Variants in ZCCHC14 observed in about 807,000 individuals in gnomAD.
The protein encoded by ZCCHC14 is zinc finger CCHC domain-containing protein 14.
A neutral mutation model predicts 85.0 loss-of-function variants in ZCCHC14; 16 were observed. That is an observed-to-expected ratio of 0.19 (90% CI 0.13 to 0.29). The LOEUF (loss-of-function observed/expected upper bound fraction) is 0.29, where lower values mean the gene tolerates loss of function less well. Among genes scored for constraint, ZCCHC14 ranks in the 10% least tolerant of loss-of-function variants. The pLI, the probability that ZCCHC14 is intolerant of heterozygous loss-of-function variation, is 1.00. For synonymous variants in ZCCHC14, 775 were observed against 630.7 expected (o/e 1.23, Z -3.43); for missense variants, 1,303 against 1,443.5 (o/e 0.90, Z 1.58).
At chr16:87,477,142 C>CAAAAAAAAAAAAA in intron 1 of ZCCHC14, among the ~76,000 whole-genome samples, 1 of 78,604 alleles carries the variant, frequency 1.3e-5, no homozygotes, top group African/African-American at 6.7e-5. Flanking sequence ...AAAAAAAAAA[C>CAAAAAAAAAAAAA]AAAACAAAAC....
chr16:87,407,650 C>T lies in ZCCHC14; in HGVS notation c.*2630G>A, dbSNP rs922040210. ...TCTGACAGACTACAAAGGGCAAAGA[C>T]GTGGCACATGGCCAGTGCCACACCT... On this transcript the variant is annotated 3_prime_UTR_variant, in exon 13 of 13. Coordinates refer to ENST00000671377, the MANE Select transcript of ZCCHC14 (RefSeq NM_015144.3). 2.0e-5 allele frequency: 3 copies of T among 152,240 alleles called. No homozygotes were observed. The highest frequency in any genetic ancestry group is 7.2e-5 in the African/African-American group (3 of 41,454). The allele number at this position is 152,240 out of a possible 1,614,324, so 9.4% of individuals were successfully genotyped here. A position where few individuals can be genotyped will look rare whatever the true frequency, so the allele number is the denominator to read the frequency against.
chr16:87,490,271 C>T (rs1221423366), intron 1 of ZCCHC14, among the ~76,000 whole-genome samples: 2 of 152,180 alleles, frequency 1.3e-5, no homozygotes, highest in Non-Finnish European at 2.9e-5. Context: ...CCTAGCAAAC[C>T]AGACGGTGTT....
intron 1 of ZCCHC14, among the ~76,000 whole-genome samples, chr16:87,460,824 T>G (rs1344481138): frequency 6.6e-6 from 1 of 152,242 alleles, no homozygotes; most frequent in Non-Finnish European, 1.5e-5. Context: ...GGACTTAACA[T>G]TCTCCTTCTA....
Position 87,420,925 on chromosome 16 carries a change from C to G in ZCCHC14, c.841-209G>C, listed in dbSNP as rs545446758. ...AGAACATCGCTCTCACAGTTACATCCGGAAAAGCTTGACAATCTGCACAAT... is the reference window on the plus strand; with the variant it reads ...AGAACATCGCTCTCACAGTTACATCGGGAAAAGCTTGACAATCTGCACAAT... On this transcript the variant is annotated intron_variant, in intron 4 of 12. Transcript: ENST00000671377. This position sits in a 1 kb window ranked among gnomAD's most constrained non-coding sequence, Gnocchi z 5.0. 6.6e-6 allele frequency among the ~76,000 whole-genome samples: 1 copy of G among 152,352 alleles called. No homozygotes were observed. The highest frequency in any genetic ancestry group is 2.1e-4 in the South Asian group (1 of 4,830).
At chr16:87,416,456 T>C (rs938333196) in intron 8 of ZCCHC14, among the ~76,000 whole-genome samples, 1 of 152,128 alleles carries the variant, frequency 6.6e-6, no homozygotes, top group Non-Finnish European at 1.5e-5. Flanking sequence ...ATCTCTGCTT[T>C]TTAAGATTCA....
At chr16:87,458,382 G>A (rs773673540) in intron 2 of ZCCHC14, among the ~76,000 whole-genome samples, 17 of 152,218 alleles carry the variant, frequency 1.1e-4, no homozygotes, top group Non-Finnish European at 1.8e-4. Context: ...TGAGGGTGCG[G>A]TGAAGACGCT....
intron 1 of ZCCHC14, among the ~76,000 whole-genome samples, chr16:87,475,181 G>T (rs1033874761): frequency 3.9e-5 from 6 of 152,214 alleles, no homozygotes; most frequent in African/African-American, 1.4e-4. Flanking sequence ...ACGGGGCTCA[G>T]GAACAGAAAG....
chr16:87,488,001 G>A (rs1188831925), intron 1 of ZCCHC14, among the ~76,000 whole-genome samples: 2 of 152,152 alleles, frequency 1.3e-5, no homozygotes, highest in African/African-American at 4.8e-5. Flanking sequence ...CTCCTAATAG[G>A]CACTGGGTTT....
chr16:87,454,579 A>G (rs6540050), intron 2 of ZCCHC14, among the ~76,000 whole-genome samples: 4,031 of 152,354 alleles, frequency 0.026, 175 homozygotes, highest in African/African-American at 0.093. Context: ...GAAAACTAAA[A>G]TCCACTGTCA....
chr16:87,450,011 C>A (rs1910618984), intron 2 of ZCCHC14, among the ~76,000 whole-genome samples: 1 of 152,216 alleles, frequency 6.6e-6, no homozygotes, highest in Non-Finnish European at 1.5e-5. Context: ...TGAGGCACTG[C>A]ACTGCAGCCT....
Position 87,491,736 on chromosome 16 carries a change from C to A in ZCCHC14, c.503G>T (p.Gly168Val), listed in dbSNP as rs758777005. 5.1e-6 allele frequency: 8 copies of A among 1,572,648 alleles called. 1 individual carries two copies. In the East Asian group the frequency reaches 1.2e-4, roughly 24 times the overall value. ...GGGCGCGCCCTTGCCGCCGTGGCCC[C>A]CGCCGCCGTTCAGGCTGCTCTGGAT... ...TQIQSSLNGG[G>V]GHGGKGAPGP... Residue 168 changes from glycine to valine, a missense_variant, in exon 1 of 13, where the codon GGG becomes GTG. Transcript: ENST00000671377. The surrounding 1 kb of genome is among the most constrained non-coding windows in gnomAD (Gnocchi z 5.9).
chr16:87,433,710 C>T (rs534629069), intron 2 of ZCCHC14, among the ~76,000 whole-genome samples: 31 of 151,954 alleles, frequency 2.0e-4, no homozygotes, highest in Middle Eastern at 6.8e-3. Context: ...TCTGTCTCGG[C>T]GGCTCACTGC....
At chr16:87,463,041 C>T (rs1207018637) in intron 1 of ZCCHC14, among the ~76,000 whole-genome samples, 1 of 152,122 alleles carries the variant, frequency 6.6e-6, no homozygotes, top group African/African-American at 2.4e-5. Context: ...GCACTCCAGC[C>T]TGGGCAACGA....
intron 2 of ZCCHC14, among the ~76,000 whole-genome samples, chr16:87,456,563 AT>A (rs1910979574): frequency 6.8e-6 from 1 of 146,036 alleles, no homozygotes; most frequent in African/African-American, 2.5e-5. Flanking sequence ...AAAAAAAAAA[AT>A]TTAGATTTTA....
chr16:87,446,936 C>T (rs1475680753), intron 2 of ZCCHC14, among the ~76,000 whole-genome samples: 1 of 152,140 alleles, frequency 6.6e-6, no homozygotes, highest in Admixed American at 6.5e-5. Flanking sequence ...ATCCACCTGC[C>T]TTGGCCTCAA....
intron 1 of ZCCHC14, among the ~76,000 whole-genome samples, chr16:87,478,753 C>T (rs941162521): frequency 1.3e-5 from 2 of 152,018 alleles, no homozygotes; most frequent in African/African-American, 4.8e-5. Flanking sequence ...ATAACAGGCG[C>T]CCGCCACCAC....
rs774788176 is a variant in ZCCHC14 at position 87,460,076 on chromosome 16, G to A, written c.626C>T (p.Ala209Val). 7 of 1,614,142 alleles carry A rather than the reference G, an allele frequency of 4.3e-6. No individual in the cohort carries two copies. In the Middle Eastern group the frequency reaches 6.6e-4, roughly 152 times the overall value. Residue 209 changes from alanine (A) to valine (V), a missense_variant, in exon 2 of 13, where the codon GCC (alanine) becomes GTC (valine). By Grantham distance (64) the Ala-to-Val change is moderately conservative. This residue lies in a region of ZCCHC14 where 389 missense variants were observed against 397.8 expected (regional missense o/e 0.98). Coordinates refer to ENST00000671377, the MANE Select transcript of ZCCHC14 (RefSeq NM_015144.3). Reference protein sequence around the residue: ...VSSVSNSLENALHTSAHSTEE... With the variant: ...VSSVSNSLENVLHTSAHSTEE... The stretch of plus-strand genomic sequence containing the variant: ...CGTGGAATGTGCTGATGTGTGCAGG[G>A]CATTCTCCAAACTATTACTGACACT...
At chr16:87,458,803 C>A (rs1911106872) in intron 2 of ZCCHC14, among the ~76,000 whole-genome samples, 1 of 152,194 alleles carries the variant, frequency 6.6e-6, no homozygotes, top group African/African-American at 2.4e-5. Context: ...GTAAATAACA[C>A]AGGGAGAATA....
chr16:87,486,060 C>T (rs1026484836), intron 1 of ZCCHC14, among the ~76,000 whole-genome samples: 1 of 152,184 alleles, frequency 6.6e-6, no homozygotes. Flanking sequence ...AATGTGTGTT[C>T]ACCTAATGAG....
Sources: gnomAD v4.1 joint callset for allele counts (sites outside exome capture counted in the v4.1 genomes callset) on GRCh38, gnomAD v4.1.1 for gene constraint, gnomAD v4.1.1 regional missense constraint, Gnocchi (gnomAD v3.1) non-coding constraint, MANE v1.5 for transcripts, NCBI Gene and HGNC (gene_info 2026-07-23, HGNC 2026-07-21) for gene names.